Variants in TOGARAM1 observed in about 807,000 individuals in gnomAD.
TOGARAM1 encodes TOG array regulator of axonemal microtubules protein 1.
TOGARAM1 carries 100 observed loss-of-function variants against 166.6 expected under a neutral mutation model. The observed-to-expected ratio is 0.60, with a 90% CI of 0.51 to 0.71. The LOEUF is 0.71. Ranked by LOEUF, TOGARAM1 falls within the 30% of genes least tolerant of loss-of-function variation. The pLI, the probability that TOGARAM1 is intolerant of heterozygous loss-of-function variation, is 0.00. For missense variants in TOGARAM1, 2,029 were observed against 2,102.7 expected, an observed-to-expected ratio of 0.96 and a Z score of 0.69; for synonymous variants, 758 against 763.8, an observed-to-expected ratio of 0.99 and a Z score of 0.13.
At chr14:45,003,917 A>T in intron 3 of TOGARAM1, 144 bp from the exon 4 acceptor site, 1 of 561,718 alleles carries the variant, frequency 1.8e-6, no homozygotes, top group Non-Finnish European at 3.0e-6. Context: ...AACACAAATT[A>T]AATTAGTCCT....
chr14:44,991,021 A>G (rs1204522391), intron 1 of TOGARAM1, among the ~76,000 whole-genome samples: 1 of 134,022 alleles, frequency 7.5e-6, no homozygotes, highest in Non-Finnish European at 1.5e-5. Context: ...GTGCTGTGGC[A>G]CAGTTATGGC....
intron 16 of TOGARAM1, among the ~76,000 whole-genome samples, chr14:45,062,738 T>C (rs1882954158): frequency 6.6e-6 from 1 of 152,186 alleles, no homozygotes; most frequent in South Asian, 2.1e-4. Flanking sequence ...TTTGCCCCAG[T>C]ATAGGATAAT....
At chr14:44,990,659 G>C (rs953517334) in intron 1 of TOGARAM1, among the ~76,000 whole-genome samples, 5 of 152,040 alleles carry the variant, frequency 3.3e-5, no homozygotes, top group Non-Finnish European at 5.9e-5. Flanking sequence ...CTTACTTTTA[G>C]CATGTATGAA....
chr14:44,980,872 T>C (rs1434573583), intron 1 of TOGARAM1, among the ~76,000 whole-genome samples: 1 of 152,160 alleles, frequency 6.6e-6, no homozygotes, highest in Admixed American at 6.5e-5. Context: ...TTTAGAAAAA[T>C]TAATCACAAA....
Position 44,964,201 on chromosome 14 carries a change from C to T in TOGARAM1, c.1780C>T (p.Pro594Ser). 6.2e-7 allele frequency: 1 copy of T among 1,614,156 alleles called. No individual in the cohort carries two copies. Among genetic ancestry groups the T allele is most frequent in the Non-Finnish European group, 8.5e-7 (1 of 1,180,028 alleles). The change falls in exon 1 of 20, where the codon CCA (proline) becomes TCA (serine). Residue 594 changes from proline to serine, a missense_variant. Around this residue, in one of 2 missense-constraint regions of TOGARAM1, gnomAD observed 1,453 missense variants for 1,432.2 expected, o/e 1.01. Transcript: ENST00000361462. ...QGFVEYAVLM[P>S]SSAGGRSNHL... Reference sequence around the variant, plus strand: ...ATTTGTGGAATATGCAGTACTGATGCCATCTTCTGCCGGGGGTAGGTCAAA... The same window carrying T: ...ATTTGTGGAATATGCAGTACTGATGTCATCTTCTGCCGGGGGTAGGTCAAA...
chr14:45,026,701 C>G lies in TOGARAM1; in HGVS notation c.3329-598C>G, dbSNP rs189572788. 1.2e-3 allele frequency among the ~76,000 whole-genome samples: 175 copies of G among 152,094 alleles called. 1 individual carries two copies. The highest frequency in any genetic ancestry group is 4.0e-3 in the African/African-American group (165 of 41,500). ...TCAAATCCTTGCTCCTTGAAACCAT[C>G]TTAAACACCCAGCTCTGCCAGGTGC... On this transcript the variant is annotated intron_variant, in intron 8 of 19. Coordinates refer to ENST00000361462, the MANE Select transcript of TOGARAM1 (RefSeq NM_001308120.2).
Position 45,004,293 on chromosome 14 carries a change from A to G in TOGARAM1, c.2571A>G (p.Glu857=), listed in dbSNP as rs1887843298. The G allele has an allele frequency of 6.2e-7, 1 of 1,614,180 alleles. No homozygotes were observed. Among genetic ancestry groups the G allele is most frequent in the South Asian group, 1.1e-5 (1 of 91,088 alleles). ...ATTCCTGGCCTCTTAAAAGCTTCGA[A>G]GGACTATCAAAGCCAAGTCCACAGA... ...FSNSWPLKSF[E]GLSKPSPQKK... The change falls in exon 4 of 20, where the codon GAA becomes GAG. Residue 857 remains glutamate, a synonymous_variant. Coordinates refer to ENST00000361462, the MANE Select transcript of TOGARAM1 (RefSeq NM_001308120.2).
At chr14:45,013,746 C>T (rs1242964019) in intron 7 of TOGARAM1, among the ~76,000 whole-genome samples, 2 of 152,116 alleles carry the variant, frequency 1.3e-5, no homozygotes, top group Non-Finnish European at 2.9e-5. Flanking sequence ...AATACATAAA[C>T]TTATCCTTAA....
At chr14:44,967,399 A>C (rs1002449347) in intron 1 of TOGARAM1, among the ~76,000 whole-genome samples, 7 of 152,118 alleles carry the variant, frequency 4.6e-5, no homozygotes, top group Admixed American at 2.6e-4. Flanking sequence ...ACAGCAACCA[A>C]CTACCTACTA....
At chr14:44,968,439 G>A (rs1037316227) in intron 1 of TOGARAM1, among the ~76,000 whole-genome samples, 1 of 152,068 alleles carries the variant, frequency 6.6e-6, no homozygotes, top group Non-Finnish European at 1.5e-5. Flanking sequence ...TAGTAGAGAC[G>A]GGGTTTCACC....
rs201797482 is a variant in TOGARAM1, at chr14:44,995,876, C to A, written c.2177C>A (p.Pro726Gln). Residue 726 changes from proline to glutamine, a missense_variant, in exon 2 of 20, where the codon CCA (proline) becomes CAA (glutamine). Transcript: ENST00000361462. Reference sequence around the variant, plus strand: ...TTTCAGAATAGTCGGGATTTTAACCCAGATTGTCTTCCTTTATGTGCTGCT... The same window carrying A: ...TTTCAGAATAGTCGGGATTTTAACCAAGATTGTCTTCCTTTATGTGCTGCT... The part of the protein sequence containing the change: ...NLFQNSRDFN[P>Q]DCLPLCAAGT... 6.2e-7 allele frequency: 1 copy of A among 1,609,618 alleles called. No homozygotes were observed. Among genetic ancestry groups the A allele is most frequent in the South Asian group, 1.1e-5 (1 of 89,852 alleles).
chr14:45,041,208 C>T (rs1025029630), intron 11 of TOGARAM1, among the ~76,000 whole-genome samples: 1 of 151,938 alleles, frequency 6.6e-6, no homozygotes, highest in Non-Finnish European at 1.5e-5. Context: ...TTCGAGATCA[C>T]CTGGCCAACA....
chr14:45,011,888 TTAA>T, intron 6 of TOGARAM1, 84 bp from the exon 7 acceptor site: 1 of 897,184 alleles, frequency 1.1e-6, no homozygotes, highest in African/African-American at 1.7e-5. Flanking sequence ...GGTCTGTGAG[TTAA>T]TAAGGAGAAT....
rs769980319 is a variant in TOGARAM1, at chr14:44,999,356, T to A, written c.2204-7T>A. The A allele has an allele frequency of 6.5e-7, 1 of 1,546,380 alleles. No homozygotes were observed. The highest frequency in any genetic ancestry group is 1.3e-5 in the South Asian group (1 of 78,946). ...TTTTATGTTTTCTCCCTTCCTTTCT[T>A]CAAAAGGTACTACTGGGACTCATCA... is the stretch of plus-strand genomic sequence containing the variant. On this transcript the variant is annotated splice_polypyrimidine_tract_variant and splice_region_variant and intron_variant, in intron 2 of 19. Transcript: ENST00000361462.
intron 1 of TOGARAM1, among the ~76,000 whole-genome samples, chr14:44,984,081 T>C (rs1886665814): frequency 6.6e-6 from 1 of 152,174 alleles, no homozygotes; most frequent in Non-Finnish European, 1.5e-5. Context: ...GGAAATTGAA[T>C]TTAAGAAAGA....
chr14:44,962,598 C>T lies in TOGARAM1; in HGVS notation c.177C>T (p.Ser59=). The T allele has an allele frequency of 1.2e-6, 2 of 1,613,750 alleles. No individual in the cohort carries two copies. The highest frequency in any genetic ancestry group is 1.1e-5 in the South Asian group (1 of 91,032). ...GTGGAGCTGCGGGGGACCACGGTTCCTGCCCCACTACAACTTCGCCTCTGG... is the reference window on the plus strand; with the variant it reads ...GTGGAGCTGCGGGGGACCACGGTTCTTGCCCCACTACAACTTCGCCTCTGG... ...YFRGAAGDHG[S]CPTTTSPLAS... is the part of the protein sequence containing the mutation. The change falls in exon 1 of 20, where the codon TCC becomes TCT. Residue 59 remains serine, a synonymous_variant. Coordinates refer to ENST00000361462, the MANE Select transcript of TOGARAM1 (RefSeq NM_001308120.2).
chr14:45,022,614 C>T (rs2138892913), intron 7 of TOGARAM1, among the ~76,000 whole-genome samples: 1 of 151,758 alleles, frequency 6.6e-6, no homozygotes, highest in East Asian at 1.9e-4. Flanking sequence ...TCTTCGGTGG[C>T]TAGCCATCCT....
chr14:45,034,812 A>G (rs1881341003), intron 11 of TOGARAM1, among the ~76,000 whole-genome samples: 1 of 152,220 alleles, frequency 6.6e-6, no homozygotes, highest in East Asian at 1.9e-4. Flanking sequence ...TAGGAATACA[A>G]AAATAGCTAA....
intron 7 of TOGARAM1, among the ~76,000 whole-genome samples, chr14:45,022,608 C>T (rs35242518): frequency 2.0e-5 from 3 of 151,658 alleles, no homozygotes; most frequent in Non-Finnish European, 2.9e-5. Context: ...TTTCCTTCTT[C>T]GGTGGCTAGC....
Sources: gnomAD v4.1 joint callset for allele counts (sites outside exome capture counted in the v4.1 genomes callset) on GRCh38, gnomAD v4.1.1 for gene constraint, gnomAD v4.1.1 regional missense constraint, MANE v1.5 for transcripts, NCBI Gene and HGNC (gene_info 2026-07-23, HGNC 2026-07-21) for gene names.